Variants in RYR2 observed in about 807,000 individuals in gnomAD.
RYR2 encodes the protein ryanodine receptor 2.
In RYR2, 227 loss-of-function variants were observed where a neutral mutation model predicts 601.1. The observed-to-expected ratio is 0.38, with a 90% confidence interval of 0.34 to 0.42. The LOEUF (loss-of-function observed/expected upper bound fraction) is 0.42. Among genes scored for constraint, RYR2 ranks in the 10% least tolerant of loss-of-function variants. RYR2 has a pLI of 1.00. For synonymous variants in RYR2, 2,223 were observed against 2,175.1 expected, an observed-to-expected ratio of 1.02 and a Z score of -0.61; for missense variants, 4,646 against 6,156.5, an observed-to-expected ratio of 0.75 and a Z score of 8.21.
intron 1 of RYR2, among the ~76,000 whole-genome samples, chr1:237,191,307 T>G (rs1679944618): frequency 6.6e-6 from 1 of 152,238 alleles, no homozygotes. Flanking sequence ...GTCTGATTAC[T>G]GTCATTTTGT....
chr1:237,462,984 C>A (rs1369688203), intron 16 of RYR2, among the ~76,000 whole-genome samples: 1 of 152,076 alleles, frequency 6.6e-6, no homozygotes, highest in Non-Finnish European at 1.5e-5. Flanking sequence ...TACAAGATCC[C>A]CAAACACAGG....
At chr1:237,449,660 T>C (rs916222265) in intron 14 of RYR2, among the ~76,000 whole-genome samples, 1 of 152,164 alleles carries the variant, frequency 6.6e-6, no homozygotes, top group African/African-American at 2.4e-5. Flanking sequence ...GCAAGTCTGC[T>C]GGAGATAGAC....
At chr1:237,566,202 A>T (rs889253097) in intron 27 of RYR2, among the ~76,000 whole-genome samples, 2 of 151,998 alleles carry the variant, frequency 1.3e-5, no homozygotes, top group Non-Finnish European at 2.9e-5. Flanking sequence ...AGCAGTTCGG[A>T]TCTTTTTTCT....
At chr1:237,539,956 T>C (rs2257106) in intron 25 of RYR2, among the ~76,000 whole-genome samples, 55,166 of 151,994 alleles carry the variant, frequency 0.36, 10,592 homozygotes, top group East Asian at 0.48. Context: ...ATAATAGACA[T>C]AATTTAATGG....
At chr1:237,243,624 A>G (rs948951841) in intron 1 of RYR2, among the ~76,000 whole-genome samples, 18 of 152,082 alleles carry the variant, frequency 1.2e-4, no homozygotes, top group Non-Finnish European at 1.8e-4. Flanking sequence ...TCCCCAGGCT[A>G]TAGCGTGGGA....
intron 12 of RYR2, among the ~76,000 whole-genome samples, chr1:237,428,786 T>C (rs963511318): frequency 4.0e-5 from 6 of 149,588 alleles, no homozygotes; most frequent in Admixed American, 2.7e-4. Context: ...GTCACTGAAG[T>C]TGTAAGTTGT....
In RYR2 at chr1:237,778,616, TG is replaced by T. The variant is rs769929244; in HGVS notation, c.11776-48del. The T allele has an allele frequency of 8.2e-6, 8 of 978,040 alleles. No individual in the cohort carries two copies. The Admixed American group carries it at 9.1e-5, about 11-fold the overall frequency. 60.6% of individuals were successfully genotyped at this position (978,040 alleles called of 1,614,324 possible). ...TCCCCTGTTATTGTACAGTTTGTTTTGGCAAATAAATTATGAGGAATAATTG... is the reference window on the plus strand; with the variant it reads ...TCCCCTGTTATTGTACAGTTTGTTTTGCAAATAAATTATGAGGAATAATTG... On this transcript the variant is annotated intron_variant, in intron 87 of 104. Transcript: ENST00000366574.
chr1:237,739,194 T>C (rs941483152), intron 79 of RYR2, among the ~76,000 whole-genome samples: 1 of 152,202 alleles, frequency 6.6e-6, no homozygotes, highest in Admixed American at 6.5e-5. Flanking sequence ...TGACCATACT[T>C]TGGTGATAAT....
intron 2 of RYR2, among the ~76,000 whole-genome samples, chr1:237,288,394 T>A (rs1479205045): frequency 6.6e-6 from 1 of 151,898 alleles, no homozygotes; most frequent in Non-Finnish European, 1.5e-5. Flanking sequence ...ATGTCCTTTG[T>A]CTTCTGCTAC....
At chr1:237,098,409 G>T (rs920104534) in intron 1 of RYR2, among the ~76,000 whole-genome samples, 1 of 151,946 alleles carries the variant, frequency 6.6e-6, no homozygotes, top group Non-Finnish European at 1.5e-5. Flanking sequence ...GTGTGTGTGT[G>T]TGTGTGTGTG....
At position 237,590,120 on chromosome 1, in the gene RYR2, G is replaced by GT. The variant is rs542777091; in HGVS notation, c.3807+121dup. ...TTACTTAAAATGATGACCTTGATGT[G>GT]TTATATAGTAGTGGAATCTAAGCAA... On this transcript the variant is annotated intron_variant, in intron 30 of 104. Transcript: ENST00000366574. 2.2e-3 allele frequency: 2,009 copies of GT among 894,052 alleles called. 8 individuals carry two copies. The highest frequency in any genetic ancestry group is 2.7e-3 in the Non-Finnish European group (1,644 of 600,748). 55.4% of individuals were successfully genotyped at this position (894,052 alleles called of 1,614,324 possible). A position where few individuals can be genotyped will look rare whatever the true frequency, so the allele number is the denominator to read the frequency against.
At position 237,441,446 on chromosome 1, in the gene RYR2, A is replaced by C. The variant is rs778649090; in HGVS notation, c.1133A>C (p.Asp378Ala). 1 of 1,602,070 alleles carries C rather than the reference A, an allele frequency of 6.2e-7. No individual in the cohort carries two copies. Among genetic ancestry groups the C allele is most frequent in the Non-Finnish European group, 8.5e-7 (1 of 1,173,038 alleles). ...TGLWLTYQSVDVKSVRMGSIQ... is the reference protein window; with the variant it reads ...TGLWLTYQSVAVKSVRMGSIQ... ...CTATGGCTTACTTACCAGTCTGTGG[A>C]CGTGAAATCCGTGAGAATGGGATCT... Residue 378 changes from aspartate (D) to alanine (A), a missense_variant, in exon 13 of 105, where the codon GAC becomes GCC. By Grantham distance (126) the Asp-to-Ala change is moderately radical. Coordinates refer to ENST00000366574, the MANE Select transcript of RYR2 (RefSeq NM_001035.3).
chr1:237,736,596 A>G (rs1317368803), intron 79 of RYR2, among the ~76,000 whole-genome samples: 3 of 152,156 alleles, frequency 2.0e-5, no homozygotes, highest in Non-Finnish European at 4.4e-5. Context: ...AAGGACAGTC[A>G]CCTGCTGACA....
intron 2 of RYR2, among the ~76,000 whole-genome samples, chr1:237,316,357 C>T (rs1364944662): frequency 1.3e-5 from 2 of 152,148 alleles, no homozygotes; most frequent in Non-Finnish European, 2.9e-5. Flanking sequence ...TGTCATTCTA[C>T]ATCTGTTATT....
intron 33 of RYR2, among the ~76,000 whole-genome samples, chr1:237,594,099 G>C (rs1024217496): frequency 3.9e-5 from 6 of 152,196 alleles, no homozygotes; most frequent in African/African-American, 1.4e-4. Context: ...TCTTTCCTCA[G>C]CTTTGCCATT....
At chr1:237,677,959 T>G (rs1354324928) in intron 60 of RYR2, 89 bp from the exon 61 acceptor site, 2 of 818,810 alleles carry the variant, frequency 2.4e-6, no homozygotes, top group Non-Finnish European at 2.1e-6. Flanking sequence ...ATAATACATT[T>G]AGCAATGCTT....
At chr1:237,467,273 G>A (rs1299300112) in intron 16 of RYR2, among the ~76,000 whole-genome samples, 2 of 149,402 alleles carry the variant, frequency 1.3e-5, no homozygotes, top group Non-Finnish European at 1.5e-5. Context: ...TATAAAATTA[G>A]TTTTACAAAA....
intron 2 of RYR2, among the ~76,000 whole-genome samples, chr1:237,308,465 C>T (rs1029311339): frequency 2.0e-5 from 3 of 152,188 alleles, no homozygotes; most frequent in Non-Finnish European, 4.4e-5. Flanking sequence ...TCTAAGAATC[C>T]TCCCTTGGAT....
intron 2 of RYR2, among the ~76,000 whole-genome samples, chr1:237,319,812 C>G (rs1432069824): frequency 6.6e-6 from 1 of 152,142 alleles, no homozygotes; most frequent in Non-Finnish European, 1.5e-5. Context: ...CAACTTCAGT[C>G]AAAAATATAC....
Sources: allele counts gnomAD v4.1 joint callset (sites outside exome capture counted in the v4.1 genomes callset), GRCh38; gene constraint gnomAD v4.1.1; transcripts MANE v1.5; gene names NCBI Gene and HGNC (gene_info 2026-07-23, HGNC 2026-07-21).